The following PDE10A variants were observed in gnomAD, a reference collection of about 807,000 sequenced individuals.
The protein encoded by PDE10A is phosphodiesterase 10A.
PDE10A carries 39 observed loss-of-function variants against 97.7 expected under a neutral mutation model. The ratio of observed to expected loss-of-function variants is 0.40; its 90% CI spans 0.31 to 0.52. The LOEUF (loss-of-function observed/expected upper bound fraction) is 0.52, where lower values mean the gene tolerates loss of function less well. Among genes scored for constraint, PDE10A ranks in the 20% least tolerant of loss-of-function variants. The probability of loss-of-function intolerance (pLI) is 0.56; values close to 1 mark genes in which losing one functional copy is unlikely to be tolerated. For missense variants in PDE10A, 731 were observed against 1,047.8 expected (o/e 0.70, Z 4.17); for synonymous variants, 371 against 376.8 (o/e 0.98, Z 0.18).
intron 1 of PDE10A, among the ~76,000 whole-genome samples, chr6:165,598,121 A>G (rs1268497114): frequency 1.3e-5 from 2 of 152,078 alleles, no homozygotes; most frequent in African/African-American, 2.4e-5. Context: ...TGTTGAGGGG[A>G]AAAAAACCCC....
intron 1 of PDE10A, chr6:165,576,271 G>A (rs1785299514): frequency 1.8e-5 from 12 of 668,160 alleles, no homozygotes; most frequent in Middle Eastern, 5.0e-4. Context: ...GAGTCAAGGT[G>A]TGAACAAAAC....
chr6:165,861,292 G>T (rs1235500262), intron 1 of PDE10A, among the ~76,000 whole-genome samples: 1 of 152,106 alleles, frequency 6.6e-6, no homozygotes, highest in African/African-American at 2.4e-5. Context: ...CAGGGACACT[G>T]CTGTGAATGC....
chr6:165,784,599 C>T (rs1053639548), intron 1 of PDE10A, among the ~76,000 whole-genome samples: 7 of 152,204 alleles, frequency 4.6e-5, no homozygotes, highest in Non-Finnish European at 8.8e-5. Flanking sequence ...ATCCAAACAG[C>T]TCCCTTCTGA....
intron 3 of PDE10A, among the ~76,000 whole-genome samples, chr6:165,459,054 T>C (rs1778136996): frequency 6.6e-6 from 1 of 152,166 alleles, no homozygotes; most frequent in Non-Finnish European, 1.5e-5. Flanking sequence ...TTGAAGAATA[T>C]AGGCCAATTT....
At chr6:165,355,396 C>T (rs995751185) in intron 18 of PDE10A, among the ~76,000 whole-genome samples, 1 of 152,114 alleles carries the variant, frequency 6.6e-6, no homozygotes, top group African/African-American at 2.4e-5. Flanking sequence ...GTTTAAATTC[C>T]AGCACAATCA....
In PDE10A at chr6:165,333,093, C is replaced by A; in HGVS notation, c.3100G>T (p.Gly1034Trp). ...NLSQWEKVIR[G>W]EETATWISSP... ...GAAATCCAGGTTGCAGTCTCCTCCCCTCGAATCACCTTCTCCCACTGACTG... is the reference window on the plus strand; with the variant it reads ...GAAATCCAGGTTGCAGTCTCCTCCCATCGAATCACCTTCTCCCACTGACTG... Residue 1034 changes from glycine to tryptophan, a missense_variant, in exon 22 of 22, where the codon GGG (glycine) becomes TGG (tryptophan). By Grantham distance (184) the Gly-to-Trp change is radical (BLOSUM62 -2). Transcript: ENST00000539869. 6.2e-7 allele frequency: 1 copy of A among 1,611,138 alleles called. No individual in the cohort carries two copies. Among genetic ancestry groups the A allele is most frequent in the Non-Finnish European group, 8.5e-7 (1 of 1,177,288 alleles).
intron 1 of PDE10A, among the ~76,000 whole-genome samples, chr6:165,794,131 A>G (rs1479400996): frequency 7.1e-6 from 1 of 140,944 alleles, no homozygotes; most frequent in Non-Finnish European, 1.6e-5. Context: ...ACACACACAC[A>G]CGCTCACACT....
rs1156471413 is a variant in PDE10A, at chr6:165,662,823, G to C, written c.-12C>G. Reference sequence around the variant, plus strand: ...TCGAGGCTGGCCATGGTTCCTCCCCGGGCCGCGGAGGGGCAGGCCGCGGGC... The same window carrying C: ...TCGAGGCTGGCCATGGTTCCTCCCCCGGCCGCGGAGGGGCAGGCCGCGGGC... On this transcript the variant is annotated 5_prime_UTR_variant, in exon 1 of 22. Coordinates refer to ENST00000539869, the MANE Select transcript of PDE10A (RefSeq NM_001385079.1). Among the ~76,000 whole-genome samples, 2 of 150,010 alleles carry C rather than the reference G, an allele frequency of 1.3e-5. No homozygotes were observed. Among genetic ancestry groups the C allele is most frequent in the Non-Finnish European group, 3.0e-5 (2 of 67,108 alleles).
rs778212371 is a variant in PDE10A at position 165,576,367 on chromosome 6, T to C, written c.866-32799A>G. 1.2e-5 allele frequency: 9 copies of C among 780,162 alleles called. No homozygotes were observed. The South Asian group carries it at 1.2e-4, about 10-fold the overall frequency. The allele number at this position is 780,162 out of a possible 1,614,324, so 48.3% of individuals were successfully genotyped here. On this transcript the variant is annotated intron_variant, in intron 1 of 21. Transcript: ENST00000539869. ...CTAGTTTGCTTCCTGTCTATCTGAA[T>C]GTCCCTTCTAAATTTCTTTTGCTGG...
At chr6:165,569,215 G>A (rs1269641856) in intron 1 of PDE10A, among the ~76,000 whole-genome samples, 5 of 152,096 alleles carry the variant, frequency 3.3e-5, no homozygotes, top group East Asian at 1.9e-4. Context: ...TTTACTTCAC[G>A]TTATATTTCT....
intron 5 of PDE10A, among the ~76,000 whole-genome samples, chr6:165,448,654 C>T (rs1791040431): frequency 6.6e-6 from 1 of 151,840 alleles, no homozygotes; most frequent in Admixed American, 6.6e-5. Context: ...GTACACAACA[C>T]TAAATCTAGA....
chr6:165,375,756 T>A (rs1407023995), intron 18 of PDE10A, among the ~76,000 whole-genome samples: 1 of 152,168 alleles, frequency 6.6e-6, no homozygotes, highest in Non-Finnish European at 1.5e-5. Flanking sequence ...GACATCAGGG[T>A]AAAGCCAATG....
chr6:165,555,351 C>G (rs1784202777), intron 1 of PDE10A, among the ~76,000 whole-genome samples: 2 of 152,106 alleles, frequency 1.3e-5, no homozygotes, highest in Non-Finnish European at 2.9e-5. Flanking sequence ...AGTCACTTAA[C>G]CCTGTAAGCC....
intron 1 of PDE10A, among the ~76,000 whole-genome samples, chr6:165,656,359 T>C (rs1276770403): frequency 7.3e-5 from 11 of 151,274 alleles, no homozygotes; most frequent in Admixed American, 3.3e-4. Flanking sequence ...GCCACCTGGA[T>C]GTGTGACTAT....
At chr6:165,830,881 C>A (rs796603255) in intron 1 of PDE10A, among the ~76,000 whole-genome samples, 10 of 152,238 alleles carry the variant, frequency 6.6e-5, no homozygotes, top group African/African-American at 2.4e-4. Flanking sequence ...GGTGCTGGAG[C>A]TTTAACATCC....
chr6:165,639,592 A>G (rs770546896), intron 1 of PDE10A, among the ~76,000 whole-genome samples: 25 of 152,130 alleles, frequency 1.6e-4, no homozygotes, highest in Non-Finnish European at 3.1e-4. Flanking sequence ...ACAAAAAATC[A>G]GCCAGGCATG....
chr6:165,680,777 A>T (rs6929247), intron 1 of PDE10A, among the ~76,000 whole-genome samples: 2 of 151,978 alleles, frequency 1.3e-5, no homozygotes, highest in Admixed American at 1.3e-4. Flanking sequence ...GGTGGCGGGC[A>T]CCTGTAATCC....
At chr6:165,594,639 T>G (rs1786477410) in intron 1 of PDE10A, among the ~76,000 whole-genome samples, 1 of 152,146 alleles carries the variant, frequency 6.6e-6, no homozygotes, top group Non-Finnish European at 1.5e-5. Context: ...CAGGCAAAGA[T>G]CATCAATGAA....
chr6:165,670,754 G>C (rs10946091), intron 1 of PDE10A, among the ~76,000 whole-genome samples: 59,755 of 151,698 alleles, frequency 0.39, 12,510 homozygotes, highest in Non-Finnish European at 0.46. Flanking sequence ...GGGGTAAACA[G>C]GGTTTAAGAT....
Sources: gnomAD v4.1 joint callset for allele counts (sites outside exome capture counted in the v4.1 genomes callset) on GRCh38, gnomAD v4.1.1 for gene constraint, MANE v1.5 for transcripts, NCBI Gene and HGNC (gene_info 2026-07-23, HGNC 2026-07-21) for gene names.